NRP1: variants seen among roughly 807,000 people sequenced by gnomAD.
NRP1 encodes neuropilin-1.
NRP1 carries 35 observed loss-of-function variants against 106.7 expected under a neutral mutation model. That is an observed-to-expected ratio of 0.33 (90% CI 0.25 to 0.43). The LOEUF (loss-of-function observed/expected upper bound fraction) is 0.43. NRP1 is among the 20% of genes least tolerant of loss of function. NRP1 has a pLI of 1.00. For synonymous variants in NRP1, 437 were observed against 417.9 expected, an observed-to-expected ratio of 1.05 and a Z score of -0.56; for missense variants, 1,024 against 1,170.4, an observed-to-expected ratio of 0.87 and a Z score of 1.83.
chr10:33,243,156 C>A (rs552501428), intron 6 of NRP1, among the ~76,000 whole-genome samples: 1 of 152,156 alleles, frequency 6.6e-6, no homozygotes, highest in South Asian at 2.1e-4. Flanking sequence ...AAAGGCCCCG[C>A]GAGTGAAGTT....
chr10:33,182,878 C>A (rs571436601), intron 15 of NRP1, 130 bp from the exon 16 acceptor site: 2 of 707,456 alleles, frequency 2.8e-6, no homozygotes, highest in Non-Finnish European at 4.9e-6. Context: ...TACTGGGCTC[C>A]TTTTGGATTT....
intron 13 of NRP1, among the ~76,000 whole-genome samples, chr10:33,190,585 G>A (rs1193633426): frequency 6.6e-6 from 1 of 152,156 alleles, no homozygotes; most frequent in Non-Finnish European, 1.5e-5. Context: ...AGTACCCTTG[G>A]CCCAGCCTTC....
At chr10:33,265,725 G>C (rs1190440558) in intron 3 of NRP1, among the ~76,000 whole-genome samples, 2 of 152,152 alleles carry the variant, frequency 1.3e-5, no homozygotes, top group African/African-American at 4.8e-5. Flanking sequence ...AACCTTCTTG[G>C]ACGTGGCTCA....
intron 6 of NRP1, among the ~76,000 whole-genome samples, chr10:33,250,433 T>G (rs1461478751): frequency 6.6e-6 from 1 of 152,202 alleles, no homozygotes; most frequent in Non-Finnish European, 1.5e-5. Context: ...GAAGCTAAGC[T>G]TTTGTGACTT....
chr10:33,251,422 C>T (rs573410182), intron 6 of NRP1, among the ~76,000 whole-genome samples: 1 of 152,138 alleles, frequency 6.6e-6, no homozygotes, highest in Admixed American at 6.5e-5. Flanking sequence ...TTGGGGCAGG[C>T]AACATTTCAG....
chr10:33,180,063 T>A lies in NRP1; in HGVS notation c.*13A>T. ...CTTCCGTCCTTTGACTGTCTTTTCA[T>A]CTCTGTCTGCCTTCATGCCTCCGAA... On this transcript the variant is annotated 3_prime_UTR_variant, in exon 17 of 17. Coordinates refer to ENST00000374867, the MANE Select transcript of NRP1 (RefSeq NM_003873.7). 6.2e-7 allele frequency: 1 copy of A among 1,612,114 alleles called. No individual in the cohort carries two copies. The highest frequency in any genetic ancestry group is 8.5e-7 in the Non-Finnish European group (1 of 1,178,804).
chr10:33,266,139 A>C (rs1454469591), intron 3 of NRP1, among the ~76,000 whole-genome samples: 4 of 152,158 alleles, frequency 2.6e-5, no homozygotes, highest in Non-Finnish European at 5.9e-5. Context: ...TAAAAAGATA[A>C]AATGTTTCAG....
In NRP1 at chr10:33,226,115, C is replaced by A. The variant is rs376524934; in HGVS notation, c.1137+19G>T. 40 of 1,612,302 alleles carry A rather than the reference C, an allele frequency of 2.5e-5. No individual in the cohort carries two copies. The highest frequency in any genetic ancestry group is 3.2e-5 in the Non-Finnish European group (38 of 1,178,718). ...ATTTAAAAGACCAAATTGGTTGCCA[C>A]GGTGGCAGCCTAACTTACAACAGGT... On this transcript the variant is annotated intron_variant, in intron 7 of 16. Coordinates refer to ENST00000374867, the MANE Select transcript of NRP1 (RefSeq NM_003873.7).
chr10:33,232,439 G>GTGA (rs1473126778), intron 6 of NRP1, among the ~76,000 whole-genome samples: 2 of 152,046 alleles, frequency 1.3e-5, no homozygotes, highest in African/African-American at 4.8e-5. Flanking sequence ...AACATTAAGG[G>GTGA]TGATGGTGAG....
At chr10:33,180,397 C>T (rs371086899) in intron 16 of NRP1, 32 bp from the exon 17 acceptor site, 158 of 1,540,720 alleles carry the variant, frequency 1.0e-4, no homozygotes, top group Admixed American at 1.6e-4. Context: ...TCTCCGTGAG[C>T]ACCGCCAACA....
intron 13 of NRP1, among the ~76,000 whole-genome samples, chr10:33,191,953 G>A (rs949788164): frequency 5.5e-5 from 8 of 144,990 alleles, no homozygotes; most frequent in Non-Finnish European, 1.0e-4. Context: ...ATTCCAGCCC[G>A]GGCAACAGTG....
chr10:33,324,803 A>G (rs917790882), intron 2 of NRP1, among the ~76,000 whole-genome samples: 1 of 151,960 alleles, frequency 6.6e-6, no homozygotes, highest in Non-Finnish European at 1.5e-5. Context: ...TTGCCTGGCT[A>G]ATTTTTGTAT....
At chr10:33,227,376 C>T (rs922647836) in intron 6 of NRP1, among the ~76,000 whole-genome samples, 5 of 152,144 alleles carry the variant, frequency 3.3e-5, no homozygotes, top group African/African-American at 1.2e-4. Context: ...CTTGAAAGCT[C>T]TAAGGGTGTT....
chr10:33,229,459 T>C (rs1358392911), intron 6 of NRP1, among the ~76,000 whole-genome samples: 1 of 152,158 alleles, frequency 6.6e-6, no homozygotes, highest in Non-Finnish European at 1.5e-5. Context: ...AATCTTGAAG[T>C]CCGAGGAAGC....
At chr10:33,182,039 A>G (rs1835720462) in intron 16 of NRP1, among the ~76,000 whole-genome samples, 2 of 152,144 alleles carry the variant, frequency 1.3e-5, no homozygotes, top group Admixed American at 6.5e-5. Flanking sequence ...GGCTGCAGTG[A>G]GCTGAGATCA....
chr10:33,326,796 T>C (rs1355146377), intron 2 of NRP1, among the ~76,000 whole-genome samples: 1 of 152,188 alleles, frequency 6.6e-6, no homozygotes. Context: ...TGACAGCCAC[T>C]GCAAAAACTT....
At chr10:33,224,120 C>T (rs1839470725) in intron 7 of NRP1, among the ~76,000 whole-genome samples, 1 of 152,162 alleles carries the variant, frequency 6.6e-6, no homozygotes, top group African/African-American at 2.4e-5. Flanking sequence ...AATCATGAGG[C>T]TCTAGGTGGA....
At chr10:33,280,440 C>A (rs1438373692) in intron 2 of NRP1, among the ~76,000 whole-genome samples, 1 of 152,080 alleles carries the variant, frequency 6.6e-6, no homozygotes, top group African/African-American at 2.4e-5. Context: ...ACTGTGCCAT[C>A]TGGAAGATAT....
At chr10:33,191,301 G>C (rs988344019) in intron 13 of NRP1, among the ~76,000 whole-genome samples, 5 of 152,154 alleles carry the variant, frequency 3.3e-5, no homozygotes, top group Admixed American at 1.3e-4. Flanking sequence ...ATTAATCTTA[G>C]GAAGAAAGTA....
Sources: allele counts gnomAD v4.1 joint callset (sites outside exome capture counted in the v4.1 genomes callset), GRCh38; gene constraint gnomAD v4.1.1; transcripts MANE v1.5; gene names NCBI Gene and HGNC (gene_info 2026-07-23, HGNC 2026-07-21).